Variants in PRDM11 observed in about 807,000 individuals in gnomAD.
PRDM11 encodes the protein PR domain-containing protein 11.
In PRDM11, 20 loss-of-function variants were observed where a neutral mutation model predicts 97.8. That is an observed-to-expected ratio of 0.20 (90% CI 0.14 to 0.30). PRDM11 has a LOEUF of 0.30. Among genes scored for constraint, PRDM11 ranks in the 10% least tolerant of loss-of-function variants. The pLI, the probability that PRDM11 is intolerant of heterozygous loss-of-function variation, is 1.00. For missense variants in PRDM11, 1,139 were observed against 1,555.2 expected (o/e 0.73, Z 4.50); for synonymous variants, 599 against 637.7 (o/e 0.94, Z 0.91).
At position 45,226,690 on chromosome 11, in the gene PRDM11, A is replaced by T; in HGVS notation, c.2065A>T (p.Thr689Ser). The T allele has an allele frequency of 6.5e-7, 1 of 1,534,002 alleles. No homozygotes were observed. The highest frequency in any genetic ancestry group is 8.7e-7 in the Non-Finnish European group (1 of 1,146,738). Residue 689 changes from threonine to serine, a missense_variant, in exon 8 of 8, where the codon ACA (threonine) becomes TCA (serine). Around this residue, in one of 2 missense-constraint regions of PRDM11, gnomAD observed 710 missense variants for 1,044.9 expected, o/e 0.68. Transcript: ENST00000683152. ...CACCAGCAGTGATGGGCCCCCGGCCACAGAGTTCCTGTCCCTGCAGGAGCT... is the reference window on the plus strand; with the variant it reads ...CACCAGCAGTGATGGGCCCCCGGCCTCAGAGTTCCTGTCCCTGCAGGAGCT... Reference protein sequence around the residue: ...QYTSSDGPPATEFLSLQELGF... With the variant: ...QYTSSDGPPASEFLSLQELGF...
chr11:45,144,565 A>T (rs1851467051), upstream of PRDM11, among the ~76,000 whole-genome samples: 1 of 152,110 alleles, frequency 6.6e-6, no homozygotes, highest in Non-Finnish European at 1.5e-5. Context: ...TCTCTGGAGG[A>T]TGGGACCACT....
Position 45,228,032 on chromosome 11 carries a change from G to A in PRDM11, c.3407G>A (p.Trp1136Ter). 6.5e-7 allele frequency: 1 copy of A among 1,533,780 alleles called. No homozygotes were observed. Among genetic ancestry groups the A allele is most frequent in the Non-Finnish European group, 8.7e-7 (1 of 1,146,714 alleles). Residue 1136 changes from tryptophan (W) to a stop codon, truncating the protein, a stop_gained, in exon 8 of 8, where the codon TGG (tryptophan) becomes TAG (stop). Transcript: ENST00000683152. LOFTEE classifies it high-confidence loss of function. ...GATGCCAAGCGAGCCCTGGACAGCTGGTTTGAGGAGAAGTCTGGGAACAGT... is the reference window on the plus strand; with the variant it reads ...GATGCCAAGCGAGCCCTGGACAGCTAGTTTGAGGAGAAGTCTGGGAACAGT... Reference protein sequence around the residue: ...NFDAKRALDSWFEEKSGNSYA... With the variant: ...NFDAKRALDS
At chr11:45,164,710 G>A (rs192055550) in intron 1 of PRDM11, among the ~76,000 whole-genome samples, 1 of 152,328 alleles carries the variant, frequency 6.6e-6, no homozygotes, top group Admixed American at 6.5e-5. Flanking sequence ...TCGAATCAGT[G>A]GTTTCACCGT....
intron 4 of PRDM11, among the ~76,000 whole-genome samples, chr11:45,187,728 T>C (rs1852756106): frequency 6.6e-6 from 1 of 152,050 alleles, no homozygotes; most frequent in Non-Finnish European, 1.5e-5. Flanking sequence ...CTTTGACCTT[T>C]GGGAACCCAA....
intron 4 of PRDM11, among the ~76,000 whole-genome samples, chr11:45,196,302 C>G (rs1219888657): frequency 6.6e-6 from 1 of 152,154 alleles, no homozygotes; most frequent in Non-Finnish European, 1.5e-5. Flanking sequence ...TTGGGGAGAG[C>G]TACCCAGGAT....
At position 45,219,495 on chromosome 11, in the gene PRDM11, A is replaced by G; in HGVS notation, c.555-75A>G. 7.1e-7 allele frequency: 1 copy of G among 1,407,086 alleles called. No individual in the cohort carries two copies. The highest frequency in any genetic ancestry group is 9.7e-7 in the Non-Finnish European group (1 of 1,025,920). The allele number at this position is 1,407,086 out of a possible 1,614,324, so 87.2% of individuals were successfully genotyped here. On this transcript the variant is annotated intron_variant, in intron 5 of 7. Coordinates refer to ENST00000683152, the MANE Select transcript of PRDM11 (RefSeq NM_001384648.1). This position sits in a 1 kb window ranked among gnomAD's most constrained non-coding sequence, Gnocchi z 4.2. ...GACTTCTAACCATCCACACTTGCCCAGCACTGTGCCGGCACCAGCGGGCAC... is the reference window on the plus strand; with the variant it reads ...GACTTCTAACCATCCACACTTGCCCGGCACTGTGCCGGCACCAGCGGGCAC...
At chr11:45,174,102 T>G (rs1852269832) in intron 1 of PRDM11, among the ~76,000 whole-genome samples, 1 of 152,182 alleles carries the variant, frequency 6.6e-6, no homozygotes, top group Non-Finnish European at 1.5e-5. Context: ...GCTGGTTGGT[T>G]TTTTTTGGTA....
At chr11:45,180,674 G>A (rs1236810832) in intron 1 of PRDM11, among the ~76,000 whole-genome samples, 2 of 150,312 alleles carry the variant, frequency 1.3e-5, no homozygotes, top group African/African-American at 2.4e-5. Flanking sequence ...CTGGCGGGCG[G>A]GGGGCGGGCG....
chr11:45,098,154 G>A (rs1365295507), intron 1 of PRDM11, among the ~76,000 whole-genome samples: 2 of 152,224 alleles, frequency 1.3e-5, no homozygotes, highest in Admixed American at 6.5e-5. Flanking sequence ...CCAGTGACTA[G>A]CACCACAGCT....
intron 5 of PRDM11, among the ~76,000 whole-genome samples, chr11:45,216,782 G>T (rs1393786597): frequency 3.9e-5 from 6 of 152,200 alleles, no homozygotes; most frequent in Non-Finnish European, 7.3e-5. Context: ...ATTCTTGATG[G>T]ATAGAAAAAG....
Position 45,182,366 on chromosome 11 carries a change from G to T in PRDM11, c.223+17G>T, listed in dbSNP as rs746662078. 1 of 1,601,438 alleles carries T rather than the reference G, an allele frequency of 6.2e-7. No homozygotes were observed. Among genetic ancestry groups the T allele is most frequent in the Non-Finnish European group, 8.6e-7 (1 of 1,169,474 alleles). On this transcript the variant is annotated intron_variant, in intron 3 of 7. Transcript: ENST00000683152. ...ACTTCTGGTGTAAGTGGAGCTTGGG[G>T]CTCTGGGCTGCTCCTCCCTTCACCC...
intron 1 of PRDM11, among the ~76,000 whole-genome samples, chr11:45,102,756 G>A (rs894300336): frequency 3.3e-5 from 5 of 152,240 alleles, no homozygotes; most frequent in Admixed American, 3.3e-4. Flanking sequence ...AACGCCAGGC[G>A]AGCCTCTGGC....
intron 4 of PRDM11, among the ~76,000 whole-genome samples, chr11:45,184,899 C>T (rs1407611180): frequency 6.6e-6 from 1 of 151,958 alleles, no homozygotes; most frequent in Non-Finnish European, 1.5e-5. Context: ...GGTGGAAAGG[C>T]CTGTGAGCAA....
intron 1 of PRDM11, among the ~76,000 whole-genome samples, chr11:45,140,056 T>G (rs1215823338): frequency 1.3e-5 from 2 of 152,218 alleles, no homozygotes; most frequent in Admixed American, 6.5e-5. Flanking sequence ...TTTCATCTTC[T>G]ACACATGCTA....
chr11:45,234,293 C>T lies in PRDM11; in HGVS notation c.*6134C>T, dbSNP rs1388623845. 6.6e-6 allele frequency: 1 copy of T among 152,414 alleles called. No homozygotes were observed. Among genetic ancestry groups the T allele is most frequent in the Non-Finnish European group, 1.5e-5 (1 of 68,114 alleles). 9.4% of individuals were successfully genotyped at this position (152,414 alleles called of 1,614,324 possible). ...AAGGGCAGCTGCATGCTCCCTCTCT[C>T]CAGACCAGCCTTCTGCTTTTGGGGT... On this transcript the variant is annotated 3_prime_UTR_variant, in exon 8 of 8. Transcript: ENST00000683152.
chr11:45,161,296 G>A (rs1430852195), intron 1 of PRDM11, among the ~76,000 whole-genome samples: 1 of 152,222 alleles, frequency 6.6e-6, no homozygotes, highest in Non-Finnish European at 1.5e-5. Context: ...CTGGGGGCCT[G>A]TGCTCCCAGA....
intron 1 of PRDM11, among the ~76,000 whole-genome samples, chr11:45,172,905 C>T (rs181713721): frequency 6.6e-6 from 1 of 152,316 alleles, no homozygotes; most frequent in African/African-American, 2.4e-5. Context: ...TGTCCCCCTG[C>T]TCTGAGGAAC....
rs1297977369 is a variant in PRDM11, at chr11:45,182,924, T to A, written c.287T>A (p.Val96Glu). ...CCAAACCATGGCCCCCCGGTGTTTG[T>A]GTCTGACACACCGGTGCCCGTGGGC... The part of the protein sequence containing the change: ...ECPNHGPPVF[V>E]SDTPVPVGIP... Residue 96 changes from valine to glutamate, a missense_variant, in exon 4 of 8, where the codon GTG becomes GAG. Physicochemically the swap from Val to Glu is moderately radical, Grantham distance 121 (BLOSUM62 -2). This residue lies in a region of PRDM11 where 429 missense variants were observed against 510.3 expected (regional missense o/e 0.84). Coordinates refer to ENST00000683152, the MANE Select transcript of PRDM11 (RefSeq NM_001384648.1). The A allele has an allele frequency of 6.2e-7, 1 of 1,613,410 alleles. No homozygotes were observed. The highest frequency in any genetic ancestry group is 8.5e-7 in the Non-Finnish European group (1 of 1,179,770).
chr11:45,174,749 G>A (rs1852287295), intron 1 of PRDM11, among the ~76,000 whole-genome samples: 1 of 152,168 alleles, frequency 6.6e-6, no homozygotes, highest in African/African-American at 2.4e-5. Context: ...GAATATTTAA[G>A]TGACTATTTT....
Sources: allele counts gnomAD v4.1 joint callset (sites outside exome capture counted in the v4.1 genomes callset), GRCh38; gene constraint gnomAD v4.1.1; regional missense constraint gnomAD v4.1.1; non-coding constraint Gnocchi (gnomAD v3.1); transcripts MANE v1.5; gene names NCBI Gene and HGNC (gene_info 2026-07-23, HGNC 2026-07-21).